MARK3: variants seen among roughly 807,000 people sequenced by gnomAD.
The protein encoded by MARK3 is MAP/microtubule affinity-regulating kinase 3.
A neutral mutation model predicts 90.1 loss-of-function variants in MARK3; 46 were observed. The ratio of observed to expected loss-of-function variants is 0.51; its 90% CI spans 0.40 to 0.65. The LOEUF (loss-of-function observed/expected upper bound fraction) is 0.65, where lower values mean the gene tolerates loss of function less well. MARK3 is among the 30% of genes least tolerant of loss of function. The pLI is 0.00. For missense variants in MARK3, 818 were observed against 947.2 expected (o/e 0.86, Z 1.79); for synonymous variants, 321 against 332.6 (o/e 0.97, Z 0.38).
chr14:103,450,886 G>GTA (rs1278256885), intron 4 of MARK3, among the ~76,000 whole-genome samples: 1 of 20,634 alleles, frequency 4.8e-5, no homozygotes, highest in Non-Finnish European at 1.2e-4. Context: ...GTGTGTGTGT[G>GTA]TGTGTGTGTG....
intron 13 of MARK3, 136 bp from the exon 14 acceptor site, chr14:103,480,251 G>C: frequency 1.8e-6 from 1 of 567,402 alleles, no homozygotes; most frequent in Admixed American, 3.1e-5. Context: ...CTCCAGCCTG[G>C]GTGACAGAGT....
chr14:103,386,759 C>T (rs1162060516), intron 1 of MARK3, among the ~76,000 whole-genome samples: 1 of 152,224 alleles, frequency 6.6e-6, no homozygotes, highest in Non-Finnish European at 1.5e-5. Flanking sequence ...CTGAGGGACA[C>T]CCGCTGGGGG....
At chr14:103,486,168 G>A (rs1340696371) in intron 14 of MARK3, among the ~76,000 whole-genome samples, 1 of 152,106 alleles carries the variant, frequency 6.6e-6, no homozygotes, top group East Asian at 1.9e-4. Flanking sequence ...GCCAGGCACA[G>A]TGCCTCACAC....
intron 2 of MARK3, among the ~76,000 whole-genome samples, chr14:103,423,909 A>G (rs549382463): frequency 4.6e-5 from 7 of 152,248 alleles, no homozygotes; most frequent in African/African-American, 7.2e-5. Flanking sequence ...ATGAAAGTGT[A>G]TAAGAACAGA....
chr14:103,499,873 T>TGCA (rs200351906), intron 16 of MARK3: 17 of 465,694 alleles, frequency 3.7e-5, no homozygotes, highest in South Asian at 4.2e-5. Context: ...GTGCGGTGTG[T>TGCA]GCAGTGTGCA....
chr14:103,392,759 T>G (rs1006254020), intron 1 of MARK3, among the ~76,000 whole-genome samples: 11 of 152,202 alleles, frequency 7.2e-5, no homozygotes, highest in Non-Finnish European at 1.5e-5. Flanking sequence ...AGCAATACTT[T>G]GTAGAGTATC....
In MARK3 at chr14:103,404,986, G is replaced by A. The variant is rs552978993; in HGVS notation, c.52-90G>A. Reference sequence around the variant, plus strand: ...TACTTTAAGATTAAAATTAAAGTAGGAATGTTTTTTCTTCAATTAGAAGCT... The same window carrying A: ...TACTTTAAGATTAAAATTAAAGTAGAAATGTTTTTTCTTCAATTAGAAGCT... On this transcript the variant is annotated intron_variant, in intron 1 of 17. Transcript: ENST00000429436. The A allele has an allele frequency of 3.5e-6, 3 of 849,576 alleles. No homozygotes were observed. In the South Asian group the frequency reaches 5.8e-5, roughly 16 times the overall value. The allele number at this position is 849,576 out of a possible 1,614,324, so 52.6% of individuals were successfully genotyped here. A position where few individuals can be genotyped will look rare whatever the true frequency, so the allele number is the denominator to read the frequency against.
chr14:103,486,692 T>G (rs1305769071), intron 14 of MARK3, among the ~76,000 whole-genome samples: 2 of 152,116 alleles, frequency 1.3e-5, no homozygotes, highest in Non-Finnish European at 2.9e-5. Flanking sequence ...GGGCTGCCTG[T>G]TGTAAATAGG....
At chr14:103,446,822 G>A (rs183897893) in intron 3 of MARK3, among the ~76,000 whole-genome samples, 1 of 143,536 alleles carries the variant, frequency 7.0e-6, no homozygotes, top group East Asian at 2.2e-4. Flanking sequence ...TTGTAATTTA[G>A]CAGTTGGGAA....
Position 103,405,116 on chromosome 14 carries a change from G to C in MARK3, c.92G>C (p.Arg31Pro). ...GATGGGCGTCAAGAAGTTACCTCTCGTACCAGCCGCTCAGGAGCTCGGTGT... is the reference window on the plus strand; with the variant it reads ...GATGGGCGTCAAGAAGTTACCTCTCCTACCAGCCGCTCAGGAGCTCGGTGT... ...HGDGRQEVTS[R>P]TSRSGARCRN... The change falls in exon 2 of 18, where the codon CGT becomes CCT. Residue 31 changes from arginine to proline, a missense_variant. By Grantham distance (103) the Arg-to-Pro change is moderately radical (BLOSUM62 -2). This residue lies in a region of MARK3 where 157 missense variants were observed against 158.7 expected (regional missense o/e 0.99). Coordinates refer to ENST00000429436, the MANE Select transcript of MARK3 (RefSeq NM_001128918.3). 5 of 1,613,834 alleles carry C rather than the reference G, an allele frequency of 3.1e-6. No homozygotes were observed. Among genetic ancestry groups the C allele is most frequent in the Non-Finnish European group, 4.2e-6 (5 of 1,179,942 alleles).
intron 14 of MARK3, among the ~76,000 whole-genome samples, chr14:103,488,866 T>G (rs2093974226): frequency 6.6e-6 from 1 of 152,206 alleles, no homozygotes; most frequent in African/African-American, 2.4e-5. Flanking sequence ...TAAAAATGTT[T>G]TAATTCAGGG....
At chr14:103,448,357 C>T (rs773458960) in intron 3 of MARK3, among the ~76,000 whole-genome samples, 11 of 152,062 alleles carry the variant, frequency 7.2e-5, no homozygotes, top group African/African-American at 2.2e-4. Flanking sequence ...TCCACAAAAG[C>T]GTGAACATGT....
At chr14:103,393,628 G>GAT (rs1288123833) in intron 1 of MARK3, among the ~76,000 whole-genome samples, 1 of 152,126 alleles carries the variant, frequency 6.6e-6, no homozygotes, top group African/African-American at 2.4e-5. Flanking sequence ...TGTAGCTCAT[G>GAT]ATATATACAT....
rs756228502 is a variant in MARK3 at position 103,480,485 on chromosome 14, A to G, written c.1581A>G (p.Glu527=). 1.2e-6 allele frequency: 2 copies of G among 1,602,032 alleles called. No homozygotes were observed. The highest frequency in any genetic ancestry group is 1.7e-6 in the Non-Finnish European group (2 of 1,170,502). The stretch of plus-strand genomic sequence containing the variant: ...ACTCAGTGATTCAGAATGGCAAAGA[A>G]AACAGGTAGGAGATTCTACCTGTTT... The part of the protein sequence containing the change: ...DRHSVIQNGK[E]NSTIPDQRTP... The change falls in exon 14 of 18, where the codon GAA becomes GAG. Residue 527 remains glutamate (E), a synonymous_variant. Transcript: ENST00000429436.
chr14:103,486,277 A>G (rs1350392927), intron 14 of MARK3, among the ~76,000 whole-genome samples: 1 of 152,088 alleles, frequency 6.6e-6, no homozygotes, highest in Non-Finnish European at 1.5e-5. Flanking sequence ...CATCTCTACT[A>G]AAAATACAAA....
At chr14:103,448,861 A>G (rs1473909781) in intron 3 of MARK3, 58 bp from the exon 4 acceptor site, 6 of 1,466,438 alleles carry the variant, frequency 4.1e-6, no homozygotes, top group African/African-American at 2.9e-5. Flanking sequence ...ACAGTGGAAT[A>G]TAATGTTTAA....
At position 103,414,209 on chromosome 14, in the gene MARK3, T is replaced by TC. The variant is rs1331560741; in HGVS notation, c.243+8942_243+8943insC. 1.7e-4 allele frequency among the ~76,000 whole-genome samples: 26 copies of TC among 150,806 alleles called. 1 individual carries two copies. Among genetic ancestry groups the TC allele is most frequent in the Non-Finnish European group, 3.3e-4 (22 of 67,684 alleles). On this transcript the variant is annotated intron_variant, in intron 2 of 17. Transcript: ENST00000429436. ...ACTTAGTACTTTTCTTTTCTTTCTT[T>TC]TTTTTTTTTTTTAAAGATGGACTTT...
chr14:103,441,149 CACCTTCT>C (rs1366711281), intron 3 of MARK3, among the ~76,000 whole-genome samples: 2 of 152,136 alleles, frequency 1.3e-5, no homozygotes, highest in African/African-American at 4.8e-5. Context: ...ATGTGGCACA[CACCTTCT>C]ACTTGATGGT....
intron 3 of MARK3, among the ~76,000 whole-genome samples, chr14:103,437,393 C>CAAA (rs577184676): frequency 0.03 from 4,125 of 139,024 alleles, 206 homozygotes; most frequent in African/African-American, 0.1. Context: ...GACTCCGTCT[C>CAAA]AAAAAAAAAA....
Sources: gnomAD v4.1 joint callset for allele counts (sites outside exome capture counted in the v4.1 genomes callset) on GRCh38, gnomAD v4.1.1 for gene constraint, gnomAD v4.1.1 regional missense constraint, MANE v1.5 for transcripts, NCBI Gene and HGNC (gene_info 2026-07-23, HGNC 2026-07-21) for gene names.